DNAH14: variants seen among roughly 807,000 people sequenced by gnomAD.
DNAH14 encodes the protein axonemal beta dynein heavy chain 14.
In DNAH14, 478 loss-of-function variants were observed where a neutral mutation model predicts 520.9. The ratio of observed to expected loss-of-function variants is 0.92; its 90% confidence interval spans 0.85 to 0.99. DNAH14 has a LOEUF of 0.99. Among genes scored for constraint, DNAH14 ranks in the 50% least tolerant of loss-of-function variants. DNAH14 has a pLI of 0.00. For missense variants in DNAH14, 4,831 were observed against 5,234.5 expected (o/e 0.92, Z 2.38); for synonymous variants, 1,581 against 1,757.2 (o/e 0.90, Z 2.51).
intron 36 of DNAH14, among the ~76,000 whole-genome samples, chr1:225,183,335 G>A (rs1420369264): frequency 6.6e-6 from 1 of 152,234 alleles, no homozygotes; most frequent in African/African-American, 2.4e-5. Context: ...GTGGCTGCAG[G>A]CCTTGGGCAA....
chr1:225,120,595 T>C (rs1196903875), intron 26 of DNAH14, among the ~76,000 whole-genome samples: 1 of 152,204 alleles, frequency 6.6e-6, no homozygotes, highest in Non-Finnish European at 1.5e-5. Flanking sequence ...TACCCAGGAA[T>C]GAAAAAGGAC....
intron 41 of DNAH14, among the ~76,000 whole-genome samples, chr1:225,216,934 C>G (rs1046083913): frequency 6.6e-6 from 1 of 152,190 alleles, no homozygotes; most frequent in Non-Finnish European, 1.5e-5. Context: ...CAGCTTTGTT[C>G]CGTTGCTGTA....
intron 23 of DNAH14, among the ~76,000 whole-genome samples, chr1:225,104,979 G>A (rs193144125): frequency 3.5e-4 from 53 of 152,220 alleles, no homozygotes; most frequent in African/African-American, 1.3e-3. Flanking sequence ...TGTGATGTTA[G>A]GGTGTCAATT....
At chr1:225,095,808 A>T (rs945664260) in intron 21 of DNAH14, among the ~76,000 whole-genome samples, 5 of 152,302 alleles carry the variant, frequency 3.3e-5, no homozygotes, top group Non-Finnish European at 7.4e-5. Context: ...CAGAAAGTAG[A>T]TCAGTGGTTG....
chr1:225,092,817 G>T (rs554974217), intron 21 of DNAH14, among the ~76,000 whole-genome samples: 2 of 151,834 alleles, frequency 1.3e-5, no homozygotes, highest in Non-Finnish European at 2.9e-5. Context: ...CCAAATAAAC[G>T]CAATTATAAA....
intron 31 of DNAH14, among the ~76,000 whole-genome samples, chr1:225,149,499 T>C (rs771117534): frequency 2.0e-5 from 3 of 152,236 alleles, no homozygotes; most frequent in African/African-American, 4.8e-5. Context: ...AGGAACAGCA[T>C]TGAATCTATA....
intron 41 of DNAH14, among the ~76,000 whole-genome samples, chr1:225,211,120 G>A (rs773141998): frequency 1.8e-4 from 27 of 152,256 alleles, no homozygotes; most frequent in Admixed American, 6.5e-4. Flanking sequence ...ACAATTCCTC[G>A]CCAGGAAGGC....
intron 8 of DNAH14, among the ~76,000 whole-genome samples, chr1:225,001,561 A>G (rs1279443720): frequency 6.6e-6 from 1 of 152,146 alleles, no homozygotes; most frequent in Non-Finnish European, 1.5e-5. Context: ...CATTACAGCT[A>G]TAAATTTTTT....
chr1:224,996,804 G>A lies in DNAH14; in HGVS notation c.831-5979G>A, dbSNP rs561453534. 2.6e-5 allele frequency among the ~76,000 whole-genome samples: 4 copies of A among 152,342 alleles called. No individual in the cohort carries two copies. The East Asian group carries it at 7.7e-4, about 29-fold the overall frequency. On this transcript the variant is annotated intron_variant, in intron 8 of 85. Transcript: ENST00000682510. ...TGGAGGGGACCAGCTGATATGCTTA[G>A]TAGAAATACACAGATGAGGTTTGCC...
Position 225,357,775 on chromosome 1 carries a change from G to A in DNAH14, c.11620-721G>A, listed in dbSNP as rs774589626. On this transcript the variant is annotated intron_variant, in intron 73 of 85. Transcript: ENST00000682510. ...ACCTGGTACATCAAACAGGCACACT[G>A]ACGTGTGTAGCTTCAGTTTTGCTTT... 3 of 701,948 alleles carry A rather than the reference G, an allele frequency of 4.3e-6. No homozygotes were observed. The African/African-American group carries it at 5.2e-5, about 12-fold the overall frequency. The allele number at this position is 701,948 out of a possible 1,614,324, so 43.5% of individuals were successfully genotyped here.
At chr1:225,222,019 C>G (rs1277809571) in intron 41 of DNAH14, among the ~76,000 whole-genome samples, 1 of 152,140 alleles carries the variant, frequency 6.6e-6, no homozygotes, top group African/African-American at 2.4e-5. Context: ...CTACTGGACT[C>G]TTTTTGGTGG....
At position 225,222,455 on chromosome 1, in the gene DNAH14, A is replaced by G. The variant is rs561981553; in HGVS notation, c.6440-8618A>G. Among the ~76,000 whole-genome samples the G allele has an allele frequency of 3.3e-5, 5 of 152,286 alleles. No homozygotes were observed. In the East Asian group the frequency reaches 5.8e-4, roughly 18 times the overall value. On this transcript the variant is annotated intron_variant, in intron 41 of 85. Transcript: ENST00000682510. Reference sequence around the variant, plus strand: ...GGCACGGACCCAAAGAGTGACCAGCAGCAAGATTTATTTTGAAGAGTGAAA... The same window carrying G: ...GGCACGGACCCAAAGAGTGACCAGCGGCAAGATTTATTTTGAAGAGTGAAA...
intron 78 of DNAH14, 65 bp downstream of exon 78, chr1:225,374,950 TA>T: frequency 2.2e-6 from 3 of 1,347,158 alleles, no homozygotes; most frequent in Non-Finnish European, 3.0e-6. Flanking sequence ...TTGCTTTATT[TA>T]AAATACATAT....
intron 76 of DNAH14, 81 bp from the exon 77 acceptor site, chr1:225,367,724 G>A: frequency 1.1e-6 from 1 of 921,868 alleles, no homozygotes; most frequent in South Asian, 1.7e-5. Context: ...TCTTTTACCA[G>A]TGTTGTAGAA....
intron 55 of DNAH14, 52 bp from the exon 56 acceptor site, chr1:225,300,817 T>A: frequency 1.3e-6 from 2 of 1,512,844 alleles, no homozygotes; most frequent in Non-Finnish European, 1.8e-6. Flanking sequence ...GTGGTTAGGG[T>A]AGAATATATG....
At chr1:225,132,678 T>A (rs911052639) in intron 27 of DNAH14, among the ~76,000 whole-genome samples, 1 of 152,234 alleles carries the variant, frequency 6.6e-6, no homozygotes, top group African/African-American at 2.4e-5. Context: ...TCAATGAACA[T>A]ACATGTGTGC....
chr1:225,069,341 T>A (rs1449891162), intron 17 of DNAH14, among the ~76,000 whole-genome samples: 2 of 152,174 alleles, frequency 1.3e-5, no homozygotes. Flanking sequence ...TGGCTGCGGG[T>A]TTGTCAGAGA....
At chr1:225,119,143 T>C (rs1281313349) in intron 25 of DNAH14, 77 bp from the exon 26 acceptor site, 4 of 1,073,448 alleles carry the variant, frequency 3.7e-6, no homozygotes, top group African/African-American at 1.6e-5. Context: ...GAAAATTTAG[T>C]CTACAGGCTT....
chr1:225,135,473 T>C (rs1402820291), intron 27 of DNAH14, among the ~76,000 whole-genome samples: 14 of 152,168 alleles, frequency 9.2e-5, no homozygotes, highest in Admixed American at 8.5e-4. Flanking sequence ...TTTGAGTGGA[T>C]TTCTTAATCT....
Sources: allele counts gnomAD v4.1 joint callset (sites outside exome capture counted in the v4.1 genomes callset), GRCh38; gene constraint gnomAD v4.1.1; transcripts MANE v1.5; gene names NCBI Gene and HGNC (gene_info 2026-07-23, HGNC 2026-07-21).